Variants in RIPOR1 observed in about 807,000 individuals in gnomAD.
The protein encoded by RIPOR1 is rho family-interacting cell polarization regulator 1.
RIPOR1 carries 58 observed loss-of-function variants against 116.5 expected under a neutral mutation model. That is an observed-to-expected ratio of 0.50 (90% CI 0.40 to 0.62). The LOEUF is 0.62. RIPOR1 is among the 20% of genes least tolerant of loss of function. The probability of loss-of-function intolerance (pLI) is 0.00; values close to 1 mark genes in which losing one functional copy is unlikely to be tolerated. For missense variants in RIPOR1, 1,372 were observed against 1,586.2 expected (o/e 0.86, Z 2.29); for synonymous variants, 605 against 650.0 (o/e 0.93, Z 1.05).
At position 67,530,110 on chromosome 16, in the gene RIPOR1, G is replaced by A. The variant is rs765502658; in HGVS notation, c.-24+1196G>A. On this transcript the variant is annotated intron_variant, in intron 1 of 21. Coordinates refer to ENST00000042381, the MANE Select transcript of RIPOR1 (RefSeq NM_024519.4). This position sits in a 1 kb window ranked among gnomAD's most constrained non-coding sequence, Gnocchi z 4.5. ...AAGGTGAGCCGCCCCAGGGGTCTGG[G>A]TTTGGGTGCGGGTGAGGGGAGGACT... is the stretch of plus-strand genomic sequence containing the variant. 3.5e-4 allele frequency: 203 copies of A among 573,656 alleles called. No homozygotes were observed. Among genetic ancestry groups the A allele is most frequent in the Non-Finnish European group, 5.0e-4 (159 of 319,126 alleles). 35.5% of individuals were successfully genotyped at this position (573,656 alleles called of 1,614,324 possible).
chr16:67,523,874 T>C (rs919438127), upstream of RIPOR1, among the ~76,000 whole-genome samples: 6 of 151,986 alleles, frequency 3.9e-5, no homozygotes, highest in African/African-American at 1.4e-4. Flanking sequence ...GACTGGGTTT[T>C]ACTATATTGC....
At chr16:67,523,488 T>G (rs1267475806) in intron 1 of RIPOR1, among the ~76,000 whole-genome samples, 2 of 119,152 alleles carry the variant, frequency 1.7e-5, no homozygotes, top group Non-Finnish European at 3.2e-5. Context: ...ATCGCGCCAC[T>G]GCACTCCAGC....
chr16:67,519,787 T>C (rs1051507919), intron 1 of RIPOR1, among the ~76,000 whole-genome samples: 1 of 151,946 alleles, frequency 6.6e-6, no homozygotes, highest in Non-Finnish European at 1.5e-5. Flanking sequence ...CTCTGGCCAG[T>C]GCGGTGGCTC....
chr16:67,522,877 C>G (rs549460975), intron 1 of RIPOR1, among the ~76,000 whole-genome samples: 3 of 152,146 alleles, frequency 2.0e-5, no homozygotes, highest in African/African-American at 7.2e-5. Flanking sequence ...TCCTGTCACT[C>G]AAGTCTCAGC....
chr16:67,538,808 C>G lies in RIPOR1; in HGVS notation c.241C>G (p.Leu81Val). 1 of 1,613,242 alleles carries G rather than the reference C, an allele frequency of 6.2e-7. No individual in the cohort carries two copies. Among genetic ancestry groups the G allele is most frequent in the Non-Finnish European group, 8.5e-7 (1 of 1,179,970 alleles). Reference sequence around the variant, plus strand: ...GCGGCTGGACCTGGTGTACACGGCGCTGAAGCGGGGCCTGACGTGAGCAGC... The same window carrying G: ...GCGGCTGGACCTGGTGTACACGGCGGTGAAGCGGGGCCTGACGTGAGCAGC... ...PERLDLVYTA[L>V]KRGLTAYLEV... Residue 81 changes from leucine (L) to valine (V), a missense_variant, in exon 3 of 22, where the codon CTG becomes GTG. Around this residue, in one of 3 missense-constraint regions of RIPOR1, gnomAD observed 165 missense variants for 145.5 expected, o/e 1.13. Coordinates refer to ENST00000042381, the MANE Select transcript of RIPOR1 (RefSeq NM_024519.4).
chr16:67,538,910 G>T, intron 3 of RIPOR1, 80 bp from the exon 4 acceptor site: 1 of 1,609,070 alleles, frequency 6.2e-7, no homozygotes, highest in South Asian at 1.1e-5. Context: ...CCAGCCCCAT[G>T]CCCTCTCCCT....
chr16:67,539,255 G>T, intron 4 of RIPOR1, 187 bp downstream of exon 4: 1 of 588,050 alleles, frequency 1.7e-6, no homozygotes, highest in South Asian at 2.1e-5. Context: ...TTTCTGCTTG[G>T]GACTCAGTAC....
Position 67,542,610 on chromosome 16 carries a change from T to C in RIPOR1, c.1824T>C (p.Pro608=). 2 of 1,610,532 alleles carry C rather than the reference T, an allele frequency of 1.2e-6. No individual in the cohort carries two copies. Among genetic ancestry groups the C allele is most frequent in the Non-Finnish European group, 1.7e-6 (2 of 1,179,024 alleles). The part of the protein sequence containing the change: ...TTSPTHTMPS[P]THTTASPTHT... ...GCCCCACCCACACTATGCCAAGCCC[T>C]ACCCATACCACAGCAAGCCCCACTC... Residue 608 remains proline (P), a synonymous_variant, in exon 13 of 22, where the codon CCT becomes CCC. Transcript: ENST00000042381. The surrounding 1 kb of genome is among the most constrained non-coding windows in gnomAD (Gnocchi z 4.6).
intron 1 of RIPOR1, among the ~76,000 whole-genome samples, chr16:67,536,094 G>A (rs563413958): frequency 2.0e-5 from 3 of 152,258 alleles, no homozygotes; most frequent in Admixed American, 6.5e-5. Context: ...CCCCTCCAAG[G>A]TCAAGGGAGG....
chr16:67,536,853 T>A (rs893527012), intron 1 of RIPOR1, among the ~76,000 whole-genome samples: 4 of 152,096 alleles, frequency 2.6e-5, no homozygotes, highest in African/African-American at 7.2e-5. Context: ...ATCTTTCCAC[T>A]CTTCAGCCCC....
rs751750604 is a variant in RIPOR1, at chr16:67,545,707, G to A, written c.3234G>A (p.Val1078=). 1 of 1,591,692 alleles carries A rather than the reference G, an allele frequency of 6.3e-7. No individual in the cohort carries two copies. The highest frequency in any genetic ancestry group is 2.2e-5 in the East Asian group (1 of 44,732). The change falls in exon 19 of 22, where the codon GTG becomes GTA. Residue 1078 remains valine, a synonymous_variant. Transcript: ENST00000042381. The surrounding 1 kb of genome is among the most constrained non-coding windows in gnomAD (Gnocchi z 4.8). ...TGAACTCGGATGATCAGGCTGTTGT[G>A]CTGAAGGCCCTGAGATTGGCGCCCG... is the stretch of plus-strand genomic sequence containing the variant. The part of the protein sequence containing the change: ...RNLNSDDQAV[V]LKALRLAPEG...
At position 67,537,260 on chromosome 16, in the gene RIPOR1, C is replaced by T. The variant is rs573422018; in HGVS notation, c.-23-1164C>T. On this transcript the variant is annotated intron_variant, in intron 1 of 21. Transcript: ENST00000042381. This position sits in a 1 kb window ranked among gnomAD's most constrained non-coding sequence, Gnocchi z 4.6. ...CCTACTCTAATGTCTGATACTTCCT[C>T]CACTTAGCGTCTCCATTCTATCCCT... 2.4e-4 allele frequency among the ~76,000 whole-genome samples: 37 copies of T among 152,364 alleles called. No individual in the cohort carries two copies. The highest frequency in any genetic ancestry group is 4.6e-4 in the Non-Finnish European group (31 of 68,040).
Position 67,541,971 on chromosome 16 carries a change from C to T in RIPOR1, c.1185C>T (p.Arg395=), listed in dbSNP as rs780544138. The T allele has an allele frequency of 5.6e-6, 9 of 1,612,382 alleles. No homozygotes were observed. In the South Asian group the frequency reaches 9.9e-5, roughly 18 times the overall value. ...SSSPQLSGTA[R]HSPAPRPLVQ... ...GCCCACAGCTCTCAGGCACTGCCCG[C>T]CACTCACCAGCCCCTAGGCCCCTGG... The change falls in exon 13 of 22, where the codon CGC becomes CGT. Residue 395 remains arginine (R), a synonymous_variant. Coordinates refer to ENST00000042381, the MANE Select transcript of RIPOR1 (RefSeq NM_024519.4). The surrounding 1 kb of genome is among the most constrained non-coding windows in gnomAD (Gnocchi z 4.6).
upstream of RIPOR1, among the ~76,000 whole-genome samples, chr16:67,527,089 A>G (rs2050546513): frequency 6.6e-6 from 1 of 152,096 alleles, no homozygotes. Context: ...AAAGAGAAGA[A>G]CTCAGCCCCT....
In RIPOR1 at chr16:67,545,134, C is replaced by G. The variant is rs1234250635; in HGVS notation, c.3031+17C>G. 6 of 1,609,272 alleles carry G rather than the reference C, an allele frequency of 3.7e-6. No individual in the cohort carries two copies. The highest frequency in any genetic ancestry group is 5.1e-6 in the Non-Finnish European group (6 of 1,179,458). On this transcript the variant is annotated intron_variant, in intron 17 of 21. Transcript: ENST00000042381. This position sits in a 1 kb window ranked among gnomAD's most constrained non-coding sequence, Gnocchi z 4.8. ...CTGAGGCTGGTGAGTGGGCTGCTTC[C>G]TCCTTCCACCCTTGCTCAGATTCCC...
In RIPOR1 at chr16:67,540,211, G is replaced by A. The variant is rs1288363216; in HGVS notation, c.567+6G>A. The A allele has an allele frequency of 3.1e-6, 5 of 1,613,978 alleles. No individual in the cohort carries two copies. The South Asian group carries it at 3.3e-5, about 11-fold the overall frequency. On this transcript the variant is annotated splice_donor_region_variant and intron_variant, in intron 7 of 21. Transcript: ENST00000042381. This position sits in a 1 kb window ranked among gnomAD's most constrained non-coding sequence, Gnocchi z 4.7. ...GGCATCGCGAGTACACGGAGGTGAGGGATGGGGGCCCATGAGGCAGAGGCA... is the reference window on the plus strand; with the variant it reads ...GGCATCGCGAGTACACGGAGGTGAGAGATGGGGGCCCATGAGGCAGAGGCA...
rs977827480 is a variant in RIPOR1, at chr16:67,537,117, G to A, written c.-23-1307G>A. ...TTTAGTAGAGACGGGGTTTCACCTT[G>A]TTGGTCAGGCTGATCTCGAATTCCT... On this transcript the variant is annotated intron_variant, in intron 1 of 21. Transcript: ENST00000042381. This position sits in a 1 kb window ranked among gnomAD's most constrained non-coding sequence, Gnocchi z 4.6. Among the ~76,000 whole-genome samples, 1 of 152,086 alleles carries A rather than the reference G, an allele frequency of 6.6e-6. No individual in the cohort carries two copies. The highest frequency in any genetic ancestry group is 1.5e-5 in the Non-Finnish European group (1 of 68,010).
At chr16:67,522,743 C>T (rs542417576) in intron 1 of RIPOR1, among the ~76,000 whole-genome samples, 8 of 152,206 alleles carry the variant, frequency 5.3e-5, no homozygotes, top group Non-Finnish European at 7.4e-5. Flanking sequence ...CCTGACCTCT[C>T]CTCTAGCCCA....
chr16:67,523,332 C>T (rs1020408685), intron 1 of RIPOR1, among the ~76,000 whole-genome samples: 3 of 151,938 alleles, frequency 2.0e-5, no homozygotes, highest in Non-Finnish European at 4.4e-5. Context: ...TCGAGACCAG[C>T]CTGGCCAACA....
Sources: gnomAD v4.1 joint callset for allele counts (sites outside exome capture counted in the v4.1 genomes callset) on GRCh38, gnomAD v4.1.1 for gene constraint, gnomAD v4.1.1 regional missense constraint, Gnocchi (gnomAD v3.1) non-coding constraint, MANE v1.5 for transcripts, NCBI Gene and HGNC (gene_info 2026-07-23, HGNC 2026-07-21) for gene names.